SH3GL2: variants seen among roughly 807,000 people sequenced by gnomAD.
SH3GL2 encodes the protein SH3 domain containing GRB2 like 2, endophilin A1, also known as endophilin-A1.
A neutral mutation model predicts 46.0 loss-of-function variants in SH3GL2; 24 were observed. The observed-to-expected ratio is 0.52, with a 90% CI of 0.38 to 0.73. The LOEUF is 0.73. Among genes scored for constraint, SH3GL2 ranks in the 30% least tolerant of loss-of-function variants. The pLI is 0.00. For synonymous variants in SH3GL2, 196 were observed against 147.1 expected (o/e 1.33, Z -2.40); for missense variants, 413 against 424.2 (o/e 0.97, Z 0.23).
rs192687464 is a variant in SH3GL2, at chr9:17,747,024, A to C, written c.46-42A>C. 24 of 1,331,084 alleles carry C rather than the reference A, an allele frequency of 1.8e-5. No individual in the cohort carries two copies. The Admixed American group carries it at 3.2e-4, about 18-fold the overall frequency. The allele number at this position is 1,331,084 out of a possible 1,614,324, so 82.5% of individuals were successfully genotyped here. On this transcript the variant is annotated intron_variant, in intron 1 of 8. Coordinates refer to ENST00000380607, the MANE Select transcript of SH3GL2 (RefSeq NM_003026.5). ...AAAATTTCTAACACATTTTTTAAAG[A>C]AACTGTTTATAATAATTCTCCTTTG... is the stretch of plus-strand genomic sequence containing the variant.
rs76570016 is a variant in SH3GL2 at position 17,712,665 on chromosome 9, A to G, written c.46-34401A>G. On this transcript the variant is annotated intron_variant, in intron 1 of 8. Transcript: ENST00000380607. ...ATTATTTATTCTGTAGCAGTGATCT[A>G]TTTGTCTTTTCTGATGCCAATACCT... Among the ~76,000 whole-genome samples the G allele has an allele frequency of 1.2e-3, 188 of 151,926 alleles. 6 individuals are homozygous for G. In the East Asian group the frequency reaches 0.027, roughly 22 times the overall value.
chr9:17,654,171 GA>G (rs751956941), intron 1 of SH3GL2, among the ~76,000 whole-genome samples: 51 of 152,292 alleles, frequency 3.3e-4, no homozygotes, highest in Non-Finnish European at 4.0e-4. Flanking sequence ...AACCAGATTG[GA>G]AAAACTGATA....
At chr9:17,696,574 G>A (rs913382028) in intron 1 of SH3GL2, among the ~76,000 whole-genome samples, 5 of 152,132 alleles carry the variant, frequency 3.3e-5, no homozygotes, top group Non-Finnish European at 7.3e-5. Flanking sequence ...TCTTCACAGG[G>A]CGGTAGGAAG....
intron 1 of SH3GL2, among the ~76,000 whole-genome samples, chr9:17,597,789 G>A (rs1818601743): frequency 6.6e-6 from 1 of 152,104 alleles, no homozygotes; most frequent in Non-Finnish European, 1.5e-5. Context: ...AACTCTCTTT[G>A]GAGAGTTGCA....
intron 1 of SH3GL2, among the ~76,000 whole-genome samples, chr9:17,679,801 C>A (rs1197641966): frequency 6.6e-6 from 1 of 152,128 alleles, no homozygotes; most frequent in Admixed American, 6.5e-5. Flanking sequence ...GAGATATGTC[C>A]CATCAATACC....
chr9:17,650,577 G>A lies in SH3GL2; in HGVS notation c.45+71290G>A, dbSNP rs62548118. Among the ~76,000 whole-genome samples the A allele has an allele frequency of 6.7e-3, 1,021 of 152,020 alleles. 12 individuals are homozygous for A. The highest frequency in any genetic ancestry group is 7.2e-3 in the Non-Finnish European group (490 of 67,974). The stretch of plus-strand genomic sequence containing the variant: ...AGTAGAGACAGGGTTTCACCATGTT[G>A]GCCACTGCTGACCTCCTGATCCGCC... On this transcript the variant is annotated intron_variant, in intron 1 of 8. Transcript: ENST00000380607.
intron 1 of SH3GL2, among the ~76,000 whole-genome samples, chr9:17,685,083 A>G (rs1259092673): frequency 6.6e-6 from 1 of 152,102 alleles, no homozygotes; most frequent in Non-Finnish European, 1.5e-5. Flanking sequence ...TACCTATATC[A>G]GCCAAGGTTT....
chr9:17,581,274 G>A (rs968862828), intron 1 of SH3GL2, among the ~76,000 whole-genome samples: 1 of 152,134 alleles, frequency 6.6e-6, no homozygotes, highest in African/African-American at 2.4e-5. Context: ...TTTAAACTGC[G>A]TTAGGAAAGA....
rs1300514588 is a variant in SH3GL2 at position 17,727,079 on chromosome 9, A to G, written c.46-19987A>G. The stretch of plus-strand genomic sequence containing the variant: ...AACCCAAATAGGTATCAGTGGGGAA[A>G]TGGAGAAGTAAATGTTAATATAGAC... On this transcript the variant is annotated intron_variant, in intron 1 of 8. Coordinates refer to ENST00000380607, the MANE Select transcript of SH3GL2 (RefSeq NM_003026.5). Among the ~76,000 whole-genome samples, 4 of 152,162 alleles carry G rather than the reference A, an allele frequency of 2.6e-5. No homozygotes were observed. The East Asian group carries it at 5.8e-4, about 22-fold the overall frequency.
intron 1 of SH3GL2, among the ~76,000 whole-genome samples, chr9:17,658,828 C>T (rs1563801171): frequency 6.6e-6 from 1 of 152,192 alleles, no homozygotes. Flanking sequence ...CTGGAAATCA[C>T]CACTGCTTGC....
intron 2 of SH3GL2, among the ~76,000 whole-genome samples, chr9:17,758,594 A>AAAAAAAAAAAC (rs1554647257): frequency 6.8e-6 from 1 of 147,426 alleles, no homozygotes; most frequent in East Asian, 2.0e-4. Flanking sequence ...AAAAAAAAAA[A>AAAAAAAAAAAC]ATTGCAGTCA....
chr9:17,733,246 TTC>T (rs10545167), intron 1 of SH3GL2, among the ~76,000 whole-genome samples: 1,912 of 152,190 alleles, frequency 0.013, 52 homozygotes, highest in African/African-American at 0.043. Flanking sequence ...CCCTCTCACA[TTC>T]TCTTTTTTTA....
intron 1 of SH3GL2, among the ~76,000 whole-genome samples, chr9:17,583,050 T>C (rs1000926987): frequency 3.3e-5 from 5 of 152,226 alleles, no homozygotes; most frequent in African/African-American, 9.6e-5. Flanking sequence ...AGTTGCATTC[T>C]GAGCTATTGT....
chr9:17,671,942 A>G (rs968660371), intron 1 of SH3GL2, among the ~76,000 whole-genome samples: 1 of 152,200 alleles, frequency 6.6e-6, no homozygotes, highest in African/African-American at 2.4e-5. Context: ...CAAAGATTGT[A>G]CTCATACCTT....
rs183893252 is a variant in SH3GL2, at chr9:17,650,661, C to T, written c.45+71374C>T. Among the ~76,000 whole-genome samples the T allele has an allele frequency of 2.1e-3, 318 of 152,306 alleles. 1 individual carries two copies. Among genetic ancestry groups the T allele is most frequent in the Non-Finnish European group, 3.5e-3 (236 of 68,024 alleles). ...CGTGAGTCACCACGCTCGGCCTTGT[C>T]TTGAGGTTTTTATGGCTGAAGCATA... On this transcript the variant is annotated intron_variant, in intron 1 of 8. Transcript: ENST00000380607.
chr9:17,668,349 C>A (rs1720760541), intron 1 of SH3GL2, among the ~76,000 whole-genome samples: 1 of 152,124 alleles, frequency 6.6e-6, no homozygotes, highest in Non-Finnish European at 1.5e-5. Flanking sequence ...TATCCAGAGT[C>A]CCATCACTAG....
chr9:17,696,827 AG>A (rs1408434198), intron 1 of SH3GL2, among the ~76,000 whole-genome samples: 2 of 152,184 alleles, frequency 1.3e-5, no homozygotes, highest in Non-Finnish European at 2.9e-5. Flanking sequence ...GATTTTTCAT[AG>A]CCCATTTTTT....
At chr9:17,580,157 T>C (rs867484742) in intron 1 of SH3GL2, among the ~76,000 whole-genome samples, 1 of 152,356 alleles carries the variant, frequency 6.6e-6, no homozygotes, top group African/African-American at 2.4e-5. Flanking sequence ...CTGTGACCTA[T>C]TTCTTACATA....
intron 1 of SH3GL2, among the ~76,000 whole-genome samples, chr9:17,644,533 T>G (rs576316899): frequency 3.0e-4 from 45 of 152,138 alleles, no homozygotes; most frequent in Non-Finnish European, 4.0e-4. Context: ...TGTGTGTTCT[T>G]ATTGGTTTCA....
Sources: allele counts gnomAD v4.1 joint callset (sites outside exome capture counted in the v4.1 genomes callset), GRCh38; gene constraint gnomAD v4.1.1; transcripts MANE v1.5; gene names NCBI Gene and HGNC (gene_info 2026-07-23, HGNC 2026-07-21).